SYBU: variants seen among roughly 807,000 people sequenced by gnomAD.
SYBU encodes syntabulin, also known as GOLSYN A protein.
SYBU carries 21 observed loss-of-function variants against 35.9 expected under a neutral mutation model. That is an observed-to-expected ratio of 0.58 (90% CI 0.41 to 0.84). SYBU has a LOEUF of 0.84. SYBU is among the 40% of genes least tolerant of loss of function. The probability of loss-of-function intolerance (pLI) is 0.00; values close to 1 mark genes in which losing one functional copy is unlikely to be tolerated. For synonymous variants in SYBU, 319 were observed against 324.3 expected, an observed-to-expected ratio of 0.98 and a Z score of 0.18; for missense variants, 768 against 848.2, an observed-to-expected ratio of 0.91 and a Z score of 1.17.
intron 1 of SYBU, among the ~76,000 whole-genome samples, chr8:109,659,576 G>T (rs1332224588): frequency 1.3e-5 from 2 of 152,118 alleles, no homozygotes; most frequent in African/African-American, 4.8e-5. Flanking sequence ...TTTGTACATA[G>T]AGAACAATAA....
At chr8:109,650,464 G>A (rs1816080663) in intron 1 of SYBU, among the ~76,000 whole-genome samples, 2 of 152,180 alleles carry the variant, frequency 1.3e-5, no homozygotes, top group South Asian at 4.1e-4. Context: ...ACCCCCAGAG[G>A]CCAACCAACT....
chr8:109,686,183 G>T (rs1254202843), intron 1 of SYBU, among the ~76,000 whole-genome samples: 3 of 151,176 alleles, frequency 2.0e-5, no homozygotes, highest in South Asian at 2.1e-4. Context: ...CTGTAGTGAG[G>T]TCACTGAGGA....
chr8:109,645,625 CGTTTTTT>C (rs1815583213), upstream of SYBU: 1 of 246,596 alleles, frequency 4.1e-6, no homozygotes, highest in Non-Finnish European at 7.7e-6. Context: ...GTTGTTGTTT[CGTTTTTT>C]GTTTTTTTTT....
chr8:109,622,221 CT>C (rs1438275522), intron 2 of SYBU, among the ~76,000 whole-genome samples: 5 of 144,416 alleles, frequency 3.5e-5, no homozygotes, highest in Non-Finnish European at 7.5e-5. Flanking sequence ...ATCTATCTAT[CT>C]ATCATCTATC....
chr8:109,671,359 A>T (rs982846924), intron 1 of SYBU, among the ~76,000 whole-genome samples: 1 of 152,152 alleles, frequency 6.6e-6, no homozygotes, highest in Non-Finnish European at 1.5e-5. Flanking sequence ...GAGTATACAC[A>T]CATGGGGCAT....
In SYBU at chr8:109,617,145, T is replaced by A. The variant is rs570928059; in HGVS notation, c.427+1697A>T. Among the ~76,000 whole-genome samples the A allele has an allele frequency of 2.0e-5, 3 of 150,608 alleles. No individual in the cohort carries two copies. The South Asian group carries it at 6.3e-4, about 31-fold the overall frequency. The stretch of plus-strand genomic sequence containing the variant: ...TGAGAATCTGTCTCAAAAAAAAAAA[T>A]ACAATAAAATAAAAACGTATGAAGT... On this transcript the variant is annotated intron_variant, in intron 3 of 6. Transcript: ENST00000276646.
Position 109,644,773 on chromosome 8 carries a change from T to A in SYBU, c.-114A>T. ...GCCGGCGCGGGCTGCGGGCGGCGGC[T>A]CTTGGTGAGGCTCCAACGCGCCGCC... is the stretch of plus-strand genomic sequence containing the variant. On this transcript the variant is annotated 5_prime_UTR_variant, in exon 1 of 7. Coordinates refer to ENST00000276646, the MANE Select transcript of SYBU (RefSeq NM_001099754.2). The A allele has an allele frequency of 9.2e-7, 1 of 1,085,762 alleles. No individual in the cohort carries two copies. Among genetic ancestry groups the A allele is most frequent in the Non-Finnish European group, 1.2e-6 (1 of 828,054 alleles). The allele number at this position is 1,085,762 out of a possible 1,614,324, so 67.3% of individuals were successfully genotyped here. A position where few individuals can be genotyped will look rare whatever the true frequency, so the allele number is the denominator to read the frequency against.
Position 109,574,866 on chromosome 8 carries a change from CACATGGGA to C in SYBU, c.*32_*39del, listed in dbSNP as rs752564181. ...TCCTGTTTCTCTACCTGGCACAACC[CACATGGGA>C]CACATTGGCACACGGTAACAACAAC... On this transcript the variant is annotated 3_prime_UTR_variant, in exon 7 of 7. Transcript: ENST00000276646. The C allele has an allele frequency of 6.7e-7, 1 of 1,502,998 alleles. No individual in the cohort carries two copies. Among genetic ancestry groups the C allele is most frequent in the African/African-American group, 1.4e-5 (1 of 71,618 alleles). 93.1% of individuals were successfully genotyped at this position (1,502,998 alleles called of 1,614,324 possible).
chr8:109,624,093 T>G (rs1160522104), intron 2 of SYBU, among the ~76,000 whole-genome samples: 1 of 152,084 alleles, frequency 6.6e-6, no homozygotes, highest in Non-Finnish European at 1.5e-5. Flanking sequence ...GAGGCCCCAT[T>G]GGTCAACAAT....
At chr8:109,660,825 T>C (rs946347650) in intron 1 of SYBU, among the ~76,000 whole-genome samples, 57 of 152,120 alleles carry the variant, frequency 3.7e-4, no homozygotes, top group African/African-American at 1.3e-3. Context: ...AAAAAGGAGG[T>C]CCTCATTCCA....
At chr8:109,647,085 A>G (rs947981623), upstream of SYBU, 145 of 152,334 alleles carry the variant, frequency 9.5e-4, no homozygotes, top group African/African-American at 3.3e-3. Context: ...AAACTCATTA[A>G]TGATTTCCTG....
In SYBU at chr8:109,691,487, G is replaced by A. The variant is rs372495207; in HGVS notation, c.-212C>T. 2.1e-5 allele frequency: 11 copies of A among 529,040 alleles called. No individual in the cohort carries two copies. Among genetic ancestry groups the A allele is most frequent in the East Asian group, 3.5e-5 (1 of 28,738 alleles). The allele number at this position is 529,040 out of a possible 1,614,324, so 32.8% of individuals were successfully genotyped here. On this transcript the variant is annotated 5_prime_UTR_variant, in exon 1 of 8. Transcript: ENST00000422135. The surrounding 1 kb of genome is among the most constrained non-coding windows in gnomAD (Gnocchi z 4.7). ...AGGCCCGGGGAGCCGGGCCCGGCCC[G>A]CTCCGCCCGCCTTAGCCCGGCTTGG...
intron 2 of SYBU, among the ~76,000 whole-genome samples, chr8:109,642,434 T>A (rs1339463493): frequency 6.6e-6 from 1 of 152,106 alleles, no homozygotes; most frequent in Admixed American, 6.6e-5. Flanking sequence ...TCCCAGAAAT[T>A]AAAGTATAAT....
chr8:109,683,593 G>T (rs920248817), upstream of SYBU, among the ~76,000 whole-genome samples: 12 of 152,134 alleles, frequency 7.9e-5, no homozygotes, highest in Non-Finnish European at 1.8e-4. Context: ...TGGACTTTTG[G>T]GTTAATGCTG....
upstream of SYBU, among the ~76,000 whole-genome samples, chr8:109,682,228 G>A (rs1159402350): frequency 6.6e-6 from 1 of 152,188 alleles, no homozygotes; most frequent in Admixed American, 6.5e-5. Flanking sequence ...AGTTTGGAGG[G>A]CTCAGAAGAA....
rs763245433 is a variant in SYBU, at chr8:109,579,821, T to C, written c.712A>G (p.Ser238Gly). 6.2e-7 allele frequency: 1 copy of C among 1,613,970 alleles called. No individual in the cohort carries two copies. Among genetic ancestry groups the C allele is most frequent in the Admixed American group, 1.7e-5 (1 of 60,002 alleles). ...SSSNSGSYKG[S>G]DCSPIMRRSG... ...CACCTCATGATGGGGCTACAGTCGCTTCCTTTGTAGGAGCCTGAGTTGCTA... is the reference window on the plus strand; with the variant it reads ...CACCTCATGATGGGGCTACAGTCGCCTCCTTTGTAGGAGCCTGAGTTGCTA... The change falls in exon 5 of 7, where the codon AGC (serine) becomes GGC (glycine). Residue 238 changes from serine (S) to glycine (G), a missense_variant. Ser to Gly is a moderately conservative substitution (Grantham distance 56). Transcript: ENST00000276646.
At chr8:109,658,047 A>G (rs1257488061) in intron 1 of SYBU, among the ~76,000 whole-genome samples, 1 of 152,194 alleles carries the variant, frequency 6.6e-6, no homozygotes, top group African/African-American at 2.4e-5. Context: ...TTCATTCACC[A>G]GTAAGCTACT....
Position 109,575,197 on chromosome 8 carries a change from T to C in SYBU, c.1701A>G (p.Glu567=), listed in dbSNP as rs201669581. Residue 567 remains glutamate (E), a synonymous_variant, in exon 7 of 7, where the codon GAA becomes GAG. Coordinates refer to ENST00000276646, the MANE Select transcript of SYBU (RefSeq NM_001099754.2). ...CTCTCATGAGGCGGTTTGCATGAAC[T>C]TCTGCATCCACATTGGCGTAGGGGG... ...VETPYANVDA[E]VHANRLMREL... 3.1e-6 allele frequency: 5 copies of C among 1,614,092 alleles called. No homozygotes were observed. The Admixed American group carries it at 5.0e-5, about 16-fold the overall frequency.
At chr8:109,652,502 A>G (rs1046813192) in intron 1 of SYBU, among the ~76,000 whole-genome samples, 1 of 152,114 alleles carries the variant, frequency 6.6e-6, no homozygotes, top group Non-Finnish European at 1.5e-5. Context: ...CCTGGATGTA[A>G]CCTTCTAGAA....
Sources: allele counts gnomAD v4.1 joint callset (sites outside exome capture counted in the v4.1 genomes callset), GRCh38; gene constraint gnomAD v4.1.1; non-coding constraint Gnocchi (gnomAD v3.1); transcripts MANE v1.5; gene names NCBI Gene and HGNC (gene_info 2026-07-23, HGNC 2026-07-21).